CLIC5: variants seen among roughly 807,000 people sequenced by gnomAD.
CLIC5 encodes CLIC family member 5.
CLIC5 carries 20 observed loss-of-function variants against 24.7 expected under a neutral mutation model. That is an observed-to-expected ratio of 0.81 (90% CI 0.57 to 1.18). CLIC5 has a LOEUF of 1.18. CLIC5 is among the 50% of genes most tolerant of loss of function. CLIC5 has a pLI of 0.00. For missense variants in CLIC5, 341 were observed against 326.1 expected (o/e 1.05, Z -0.35); for synonymous variants, 159 against 135.6 (o/e 1.17, Z -1.20).
In CLIC5 at chr6:45,941,407, G is replaced by GA. The variant is rs1189579517; in HGVS notation, c.406+139_406+140insT. 3 of 689,500 alleles carry GA rather than the reference G, an allele frequency of 4.4e-6. No individual in the cohort carries two copies. In the South Asian group the frequency reaches 5.1e-5, roughly 12 times the overall value. The allele number at this position is 689,500 out of a possible 1,614,324, so 42.7% of individuals were successfully genotyped here. The stretch of plus-strand genomic sequence containing the variant: ...GGGGGACAAGATGGTGGTGGCGGGG[G>GA]GTGGGGGCAAATAATAAGCAGTATT... On this transcript the variant is annotated intron_variant, in intron 4 of 5. Transcript: ENST00000339561.
At chr6:45,895,185 GA>G (rs371753500), downstream of CLIC5, among the ~76,000 whole-genome samples, 1 of 152,002 alleles carries the variant, frequency 6.6e-6, no homozygotes, top group African/African-American at 2.4e-5. Flanking sequence ...CCTATATGCG[GA>G]AAAAAGATGC....
At chr6:45,936,103 A>T (rs1042948138) in intron 4 of CLIC5, among the ~76,000 whole-genome samples, 1 of 151,984 alleles carries the variant, frequency 6.6e-6, no homozygotes, top group Non-Finnish European at 1.5e-5. Context: ...AATCATCTAA[A>T]GATGTATAAC....
At chr6:46,129,147 C>T in the CLIC5 span, among the ~76,000 whole-genome samples, 1 of 152,146 alleles carries the variant, frequency 6.6e-6, no homozygotes, top group Non-Finnish European at 1.5e-5. Context: ...AAAATACCTT[C>T]TGGAGCCTGC....
chr6:45,972,030 T>C (rs76857393), intron 1 of CLIC5, among the ~76,000 whole-genome samples: 3,802 of 152,220 alleles, frequency 0.025, 157 homozygotes, highest in African/African-American at 0.084. Context: ...CTCTAGTTGT[T>C]CAAAATGTAG....
At chr6:45,957,449 T>TG (rs1171555335) in intron 1 of CLIC5, among the ~76,000 whole-genome samples, 2 of 152,140 alleles carry the variant, frequency 1.3e-5, no homozygotes, top group Non-Finnish European at 2.9e-5. Context: ...GCAGGTGGTC[T>TG]GGCTAGAGAT....
chr6:46,004,512 C>T (rs1344495681), intron 1 of CLIC5, among the ~76,000 whole-genome samples: 1 of 152,156 alleles, frequency 6.6e-6, no homozygotes, highest in Admixed American at 6.5e-5. Flanking sequence ...GGCAGAACTA[C>T]AGGGTGGAGG....
chr6:45,945,563 T>C (rs1001764912), intron 3 of CLIC5, among the ~76,000 whole-genome samples: 1 of 152,184 alleles, frequency 6.6e-6, no homozygotes, highest in African/African-American at 2.4e-5. Context: ...AGGGCCACCC[T>C]ACCCTCTCAG....
intron 6 of CLIC5, among the ~76,000 whole-genome samples, chr6:45,890,736 A>AAAAAC (rs1201154709): frequency 4.6e-5 from 7 of 152,358 alleles, no homozygotes; most frequent in South Asian, 4.1e-4. Flanking sequence ...TCAGCCTTAA[A>AAAAAC]AAAACAAAAC....
the CLIC5 span, among the ~76,000 whole-genome samples, chr6:46,121,253 CAGAAG>C: frequency 1.3e-5 from 2 of 152,224 alleles, no homozygotes; most frequent in Non-Finnish European, 2.9e-5. Context: ...CTCTACAAGC[CAGAAG>C]AGAGTGGGGG....
At chr6:46,026,353 T>C (rs149099285) in intron 1 of CLIC5, among the ~76,000 whole-genome samples, 1 of 152,178 alleles carries the variant, frequency 6.6e-6, no homozygotes, top group Non-Finnish European at 1.5e-5. Flanking sequence ...CAATTTAGAA[T>C]CTCAAAGAAA....
chr6:45,999,603 T>C (rs1478600113), intron 1 of CLIC5, among the ~76,000 whole-genome samples: 2 of 152,068 alleles, frequency 1.3e-5, no homozygotes, highest in African/African-American at 4.8e-5. Context: ...CCCGAGAGAA[T>C]AAGGCCAACC....
chr6:45,923,961 AG>A (rs1372871959), intron 4 of CLIC5, among the ~76,000 whole-genome samples: 2 of 152,104 alleles, frequency 1.3e-5, no homozygotes, highest in Non-Finnish European at 2.9e-5. Flanking sequence ...CATACCTTAG[AG>A]GGTTGCTGGG....
the CLIC5 span, among the ~76,000 whole-genome samples, chr6:46,095,244 G>C: frequency 0.16 from 24,337 of 152,132 alleles, 2,174 homozygotes; most frequent in South Asian, 0.33. Context: ...TGCCTTCAAG[G>C]CCTTTCCTCC....
intron 1 of CLIC5, among the ~76,000 whole-genome samples, chr6:46,038,644 C>G (rs1767726692): frequency 6.6e-6 from 1 of 152,200 alleles, no homozygotes. Context: ...CTAGTGGGCT[C>G]AGCCAGACTT....
At chr6:45,882,700 G>A (rs1157630976) in intron 6 of CLIC5, among the ~76,000 whole-genome samples, 2 of 152,206 alleles carry the variant, frequency 1.3e-5, no homozygotes, top group Non-Finnish European at 2.9e-5. Flanking sequence ...ATACTGTGGT[G>A]AGGTGATGGA....
At chr6:45,995,542 G>C (rs904597901) in intron 1 of CLIC5, among the ~76,000 whole-genome samples, 1 of 152,168 alleles carries the variant, frequency 6.6e-6, no homozygotes, top group Non-Finnish European at 1.5e-5. Flanking sequence ...ACAATACTGG[G>C]TTGACATTTC....
chr6:46,054,678 G>A (rs990225254), intron 1 of CLIC5, among the ~76,000 whole-genome samples: 2 of 152,240 alleles, frequency 1.3e-5, no homozygotes, highest in African/African-American at 2.4e-5. Context: ...AGGCCATAGG[G>A]CGGGGGCCTG....
At chr6:46,111,128 T>G in the CLIC5 span, among the ~76,000 whole-genome samples, 1 of 152,120 alleles carries the variant, frequency 6.6e-6, no homozygotes, top group African/African-American at 2.4e-5. Context: ...ACTAATGTTT[T>G]CACATTTTTC....
At chr6:46,000,770 C>T (rs1766326934) in intron 1 of CLIC5, among the ~76,000 whole-genome samples, 1 of 152,152 alleles carries the variant, frequency 6.6e-6, no homozygotes, top group Admixed American at 6.5e-5. Context: ...ATGGGGGAAA[C>T]AACCCCCAAG....
Sources: allele counts gnomAD v4.1 joint callset (sites outside exome capture counted in the v4.1 genomes callset), GRCh38; gene constraint gnomAD v4.1.1; transcripts MANE v1.5; gene names NCBI Gene and HGNC (gene_info 2026-07-23, HGNC 2026-07-21).